The following MPPED1 variants were observed in gnomAD, a reference collection of about 807,000 sequenced individuals.
MPPED1 encodes metallophosphoesterase domain-containing protein 1.
Under a neutral mutation model 36.2 loss-of-function variants are expected in MPPED1, and 16 were observed. That is an observed-to-expected ratio of 0.44 (90% CI 0.30 to 0.67). The LOEUF (loss-of-function observed/expected upper bound fraction) is 0.67, where lower values mean the gene tolerates loss of function less well. Ranked by LOEUF, MPPED1 falls within the 30% of genes least tolerant of loss-of-function variation. MPPED1 has a pLI of 0.10. For synonymous variants in MPPED1, 199 were observed against 191.3 expected (o/e 1.04, Z -0.33); for missense variants, 307 against 453.4 (o/e 0.68, Z 2.93).
At chr22:43,430,895 G>A (rs758120514) in intron 2 of MPPED1, among the ~76,000 whole-genome samples, 1 of 151,922 alleles carries the variant, frequency 6.6e-6, no homozygotes, top group Non-Finnish European at 1.5e-5. Flanking sequence ...AACTTAAGTT[G>A]CCTTAAGGAT....
At chr22:43,450,109 G>C (rs559159527) in intron 3 of MPPED1, among the ~76,000 whole-genome samples, 1 of 152,308 alleles carries the variant, frequency 6.6e-6, no homozygotes, top group East Asian at 1.9e-4. Flanking sequence ...TTCTTCTCAC[G>C]TGTCAGTGAC....
rs143303497 is a variant in MPPED1, at chr22:43,434,269, C to T, written c.225-765C>T. Among the ~76,000 whole-genome samples the T allele has an allele frequency of 7.7e-4, 118 of 152,362 alleles. 3 individuals carry two copies. In the East Asian group the frequency reaches 0.02, roughly 26 times the overall value. On this transcript the variant is annotated intron_variant, in intron 2 of 6. Transcript: ENST00000443721. ...TTCTGACTCCAGGAGTGTTTTCTGACACAGCCCTGGAAGGCCCTTGGTCTA... is the reference window on the plus strand; with the variant it reads ...TTCTGACTCCAGGAGTGTTTTCTGATACAGCCCTGGAAGGCCCTTGGTCTA...
At chr22:43,432,261 G>GAGAAAGGGAGGAGAGAGAA in intron 2 of MPPED1, among the ~76,000 whole-genome samples, 1 of 151,372 alleles carries the variant, frequency 6.6e-6, no homozygotes, top group Non-Finnish European at 1.5e-5. Context: ...GGGAAAGAGA[G>GAGAAAGGGAGGAGAGAGAA]AGAAAGGGAG....
At chr22:43,452,893 C>T (rs1930621064) in intron 3 of MPPED1, among the ~76,000 whole-genome samples, 1 of 151,414 alleles carries the variant, frequency 6.6e-6, no homozygotes, top group African/African-American at 2.4e-5. Context: ...CCCCAAGTGC[C>T]AAGATTAAGG....
intron 4 of MPPED1, among the ~76,000 whole-genome samples, chr22:43,479,415 G>A (rs1401163709): frequency 1.3e-5 from 2 of 152,240 alleles, no homozygotes; most frequent in African/African-American, 2.4e-5. Flanking sequence ...AGGGGCAGAC[G>A]TGTTCACCAT....
intron 3 of MPPED1, among the ~76,000 whole-genome samples, chr22:43,438,519 T>G (rs1165413909): frequency 6.6e-6 from 1 of 151,914 alleles, no homozygotes; most frequent in African/African-American, 2.4e-5. Flanking sequence ...GGTTTTTGTA[T>G]GGGGATGACC....
At chr22:43,437,331 C>G (rs563747162) in intron 3 of MPPED1, among the ~76,000 whole-genome samples, 15 of 149,540 alleles carry the variant, frequency 1.0e-4, no homozygotes. Context: ...CTGTTCTATA[C>G]CCTTCGCATG....
intron 3 of MPPED1, among the ~76,000 whole-genome samples, chr22:43,469,537 G>A (rs767899637): frequency 1.2e-3 from 18 of 15,526 alleles, no homozygotes; most frequent in Non-Finnish European, 2.6e-3. Context: ...AACAGAGGTG[G>A]CAGCCCTAGA....
intron 3 of MPPED1, among the ~76,000 whole-genome samples, chr22:43,470,733 C>G (rs1476821754): frequency 1.3e-5 from 2 of 152,234 alleles, no homozygotes; most frequent in African/African-American, 4.8e-5. Context: ...CTTAGGCAAG[C>G]TCTCTCTGGG....
chr22:43,481,575 G>T (rs1355868369), intron 4 of MPPED1, among the ~76,000 whole-genome samples: 1 of 152,124 alleles, frequency 6.6e-6, no homozygotes, highest in Non-Finnish European at 1.5e-5. Flanking sequence ...GGCAAGCTGT[G>T]GGGACTCAGT....
chr22:43,482,693 C>T (rs1455434753), intron 4 of MPPED1, among the ~76,000 whole-genome samples: 2 of 152,164 alleles, frequency 1.3e-5, no homozygotes, highest in Non-Finnish European at 2.9e-5. Flanking sequence ...ACCTGCTGCT[C>T]GACGTTTATG....
At chr22:43,487,275 G>T in intron 4 of MPPED1, among the ~76,000 whole-genome samples, 1 of 152,182 alleles carries the variant, frequency 6.6e-6, no homozygotes, top group East Asian at 1.9e-4. Context: ...GGTCGTGGAT[G>T]ATGGGAGAGG....
chr22:43,484,886 A>C (rs1054461792), intron 4 of MPPED1, among the ~76,000 whole-genome samples: 1 of 152,006 alleles, frequency 6.6e-6, no homozygotes, highest in Non-Finnish European at 1.5e-5. Context: ...ACAGCCACCC[A>C]CCTCCGTCTC....
intron 3 of MPPED1, among the ~76,000 whole-genome samples, chr22:43,452,249 G>A (rs1384164245): frequency 6.6e-6 from 1 of 151,922 alleles, no homozygotes; most frequent in Non-Finnish European, 1.5e-5. Flanking sequence ...AACTCCTTTA[G>A]GTGATCTGCC....
In MPPED1 at chr22:43,507,826, A is replaced by G. The variant is rs535463353; in HGVS notation, c.*2210A>G. The G allele has an allele frequency of 6.7e-6, 1 of 149,332 alleles. No homozygotes were observed. The highest frequency in any genetic ancestry group is 2.5e-5 in the African/African-American group (1 of 39,992). The allele number at this position is 149,332 out of a possible 1,614,324, so 9.3% of individuals were successfully genotyped here. A position where few individuals can be genotyped will look rare whatever the true frequency, so the allele number is the denominator to read the frequency against. ...TTTTTTTTGTCAAGCATGTCAGACA[A>G]TAAAGTCTTTGTAAAAAGAGAAGTC... On this transcript the variant is annotated 3_prime_UTR_variant, in exon 7 of 7. Transcript: ENST00000443721.
intron 3 of MPPED1, among the ~76,000 whole-genome samples, chr22:43,450,881 C>A (rs186099601): frequency 1.3e-4 from 20 of 152,246 alleles, no homozygotes; most frequent in African/African-American, 4.8e-4. Flanking sequence ...CATGTGCCAC[C>A]ACGCCTAGCT....
intron 4 of MPPED1, among the ~76,000 whole-genome samples, chr22:43,484,090 C>T (rs940077174): frequency 1.3e-5 from 2 of 152,262 alleles, no homozygotes; most frequent in Non-Finnish European, 1.5e-5. Context: ...CAGCAGTCCC[C>T]GTTCACCTGG....
At chr22:43,499,648 T>G (rs1932571553) in intron 5 of MPPED1, among the ~76,000 whole-genome samples, 1 of 108,806 alleles carries the variant, frequency 9.2e-6, no homozygotes, top group Non-Finnish European at 1.8e-5. Context: ...GTGGTGGTGG[T>G]GGTGATGGGG....
At chr22:43,414,626 T>C (rs756010349) in intron 1 of MPPED1, among the ~76,000 whole-genome samples, 1 of 152,190 alleles carries the variant, frequency 6.6e-6, no homozygotes, top group Non-Finnish European at 1.5e-5. Flanking sequence ...AGTTAATGCC[T>C]TTCAAGTTGC....
Sources: allele counts gnomAD v4.1 joint callset (sites outside exome capture counted in the v4.1 genomes callset), GRCh38; gene constraint gnomAD v4.1.1; transcripts MANE v1.5; gene names NCBI Gene and HGNC (gene_info 2026-07-23, HGNC 2026-07-21).